Variants in AOAH observed in about 807,000 individuals in gnomAD.
AOAH encodes acyloxyacyl hydrolase (neutrophil).
Under a neutral mutation model 92.2 loss-of-function variants are expected in AOAH, and 64 were observed. That is an observed-to-expected ratio of 0.69 (90% confidence interval 0.57 to 0.86). The LOEUF (loss-of-function observed/expected upper bound fraction) is 0.86, where lower values mean the gene tolerates loss of function less well. Among genes scored for constraint, AOAH ranks in the 40% least tolerant of loss-of-function variants. The probability of loss-of-function intolerance (pLI) is 0.00; values close to 1 mark genes in which losing one functional copy is unlikely to be tolerated. For synonymous variants in AOAH, 263 were observed against 254.5 expected (o/e 1.03, Z -0.32); for missense variants, 656 against 694.6 (o/e 0.94, Z 0.62).
chr7:36,720,336 A>G (rs892138081), intron 1 of AOAH, among the ~76,000 whole-genome samples: 4 of 128,090 alleles, frequency 3.1e-5, no homozygotes, highest in Admixed American at 8.2e-5. Context: ...ATCTATATTT[A>G]CATTTTTTTT....
intron 1 of AOAH, among the ~76,000 whole-genome samples, chr7:36,700,161 T>C (rs1177400226): frequency 6.6e-6 from 1 of 152,100 alleles, no homozygotes; most frequent in African/African-American, 2.4e-5. Context: ...CTTCTTTTTC[T>C]CATTTTTATC....
intron 12 of AOAH, among the ~76,000 whole-genome samples, chr7:36,577,834 T>G (rs1285547560): frequency 1.3e-5 from 2 of 152,218 alleles, no homozygotes; most frequent in Non-Finnish European, 2.9e-5. Context: ...TTCAAATGTA[T>G]TGTATCTTCT....
At chr7:36,708,177 T>C (rs902947618) in intron 1 of AOAH, among the ~76,000 whole-genome samples, 1 of 149,196 alleles carries the variant, frequency 6.7e-6, no homozygotes, top group African/African-American at 2.5e-5. Context: ...GTTTTATAAA[T>C]GTTGAGATAC....
intron 1 of AOAH, among the ~76,000 whole-genome samples, chr7:36,706,641 AG>A (rs546905063): frequency 2.5e-4 from 38 of 152,302 alleles, no homozygotes; most frequent in African/African-American, 9.1e-4. Context: ...TTCTAATAGA[AG>A]GCTATTTTGT....
chr7:36,560,078 T>C (rs1334569725), intron 13 of AOAH, among the ~76,000 whole-genome samples: 1 of 152,218 alleles, frequency 6.6e-6, no homozygotes, highest in Non-Finnish European at 1.5e-5. Context: ...CTCTGTTCTG[T>C]ACCATTGGTC....
intron 1 of AOAH, among the ~76,000 whole-genome samples, chr7:36,706,899 A>G (rs1025280254): frequency 6.6e-6 from 1 of 152,182 alleles, no homozygotes; most frequent in Non-Finnish European, 1.5e-5. Flanking sequence ...GCTTTGGCTT[A>G]GGGGAATAGC....
intron 13 of AOAH, 61 bp downstream of exon 13, chr7:36,576,513 T>A (rs1286764901): frequency 1.0e-6 from 1 of 969,864 alleles, no homozygotes; most frequent in Admixed American, 2.6e-5. Context: ...TTGAGGTACT[T>A]ATGAAATAAA....
At chr7:36,663,697 A>G (rs1043572648) in intron 3 of AOAH, among the ~76,000 whole-genome samples, 5 of 152,136 alleles carry the variant, frequency 3.3e-5, no homozygotes, top group African/African-American at 1.2e-4. Flanking sequence ...CTGTACCACA[A>G]TTTGTTTATA....
intron 12 of AOAH, among the ~76,000 whole-genome samples, chr7:36,583,571 A>C (rs1356122816): frequency 6.6e-6 from 1 of 152,194 alleles, no homozygotes; most frequent in Non-Finnish European, 1.5e-5. Flanking sequence ...GACTGGCAAT[A>C]AGCTAATTAT....
At chr7:36,532,097 CAGGGAA>C (rs773575512) in intron 18 of AOAH, 44 bp downstream of exon 18, 2 of 1,604,492 alleles carry the variant, frequency 1.2e-6, no homozygotes, top group African/African-American at 2.7e-5. Flanking sequence ...GCAGCAAACA[CAGGGAA>C]AGAATGATCA....
At chr7:36,710,427 G>A (rs1326151534) in intron 1 of AOAH, among the ~76,000 whole-genome samples, 2 of 152,288 alleles carry the variant, frequency 1.3e-5, no homozygotes, top group East Asian at 1.9e-4. Flanking sequence ...AGTTCAGTCC[G>A]GCAACTGCAA....
At position 36,724,122 on chromosome 7, in the gene AOAH, C is replaced by T; in HGVS notation, c.27G>A (p.Thr9=). MQSPWKIL[T]VAPLFLLLSL... is the part of the protein sequence containing the mutation. The stretch of plus-strand genomic sequence containing the variant: ...ACAGGAGCAAGAATAGAGGCGCCAC[C>T]GTAAGGATTTTCCAGGGGGACTGCA... Residue 9 remains threonine (T), a synonymous_variant, in exon 1 of 21, where the codon ACG becomes ACA. Coordinates refer to ENST00000617537, the MANE Select transcript of AOAH (RefSeq NM_001637.4). 5.6e-6 allele frequency: 9 copies of T among 1,613,504 alleles called. No homozygotes were observed. Among genetic ancestry groups the T allele is most frequent in the East Asian group, 2.2e-5 (1 of 44,822 alleles).
chr7:36,592,876 T>A (rs755918741), intron 12 of AOAH, among the ~76,000 whole-genome samples: 9 of 152,272 alleles, frequency 5.9e-5, no homozygotes, highest in Non-Finnish European at 1.3e-4. Flanking sequence ...TAGCCTTTTT[T>A]AAAATAACAT....
At position 36,516,309 on chromosome 7, in the gene AOAH, CCA is replaced by C. The variant is rs141284355; in HGVS notation, c.1600-2931_1600-2930del. ...ATACACACACCCCCCCACACAGATA[CCA>C]CACACACACACACAGAAAGCACACA... On this transcript the variant is annotated intron_variant, in intron 20 of 20. Transcript: ENST00000617537. The surrounding 1 kb of genome is among the most constrained non-coding windows in gnomAD (Gnocchi z 5.0). Among the ~76,000 whole-genome samples, 128 of 134,504 alleles carry C rather than the reference CCA, an allele frequency of 9.5e-4. No individual in the cohort carries two copies. The highest frequency in any genetic ancestry group is 1.2e-3 in the Non-Finnish European group (77 of 62,598). 88.2% of individuals were successfully genotyped at this position (134,504 alleles called of 152,430 possible).
chr7:36,582,214 G>A (rs1004712272), intron 12 of AOAH, among the ~76,000 whole-genome samples: 1 of 152,128 alleles, frequency 6.6e-6, no homozygotes, highest in Admixed American at 6.5e-5. Flanking sequence ...CTGCTCTGTT[G>A]TATATATCAA....
At chr7:36,662,820 G>T (rs56129486) in intron 3 of AOAH, among the ~76,000 whole-genome samples, 3,605 of 152,312 alleles carry the variant, frequency 0.024, 67 homozygotes, top group Non-Finnish European at 0.037. Flanking sequence ...CTGGAGAGTA[G>T]AAGAGGGGAA....
At chr7:36,562,921 G>A (rs1055689128) in intron 13 of AOAH, among the ~76,000 whole-genome samples, 1 of 151,934 alleles carries the variant, frequency 6.6e-6, no homozygotes, top group Non-Finnish European at 1.5e-5. Context: ...GGCCAAGGCA[G>A]GCAGATCATG....
intron 1 of AOAH, among the ~76,000 whole-genome samples, chr7:36,707,007 A>C (rs182584758): frequency 3.7e-4 from 56 of 150,232 alleles, no homozygotes; most frequent in Non-Finnish European, 4.3e-4. Context: ...TTAGTGGAAT[A>C]GTGCTTTAAT....
At chr7:36,594,298 CAGAGGT>C (rs1789944532) in intron 12 of AOAH, 35 bp downstream of exon 12, 11 of 1,476,170 alleles carry the variant, frequency 7.5e-6, no homozygotes, top group Non-Finnish European at 1.0e-5. Flanking sequence ...TTTCCTTACA[CAGAGGT>C]ATTGAAATGT....
Sources: allele counts gnomAD v4.1 joint callset (sites outside exome capture counted in the v4.1 genomes callset), GRCh38; gene constraint gnomAD v4.1.1; non-coding constraint Gnocchi (gnomAD v3.1); transcripts MANE v1.5; gene names NCBI Gene and HGNC (gene_info 2026-07-23, HGNC 2026-07-21).